ASH2L: variants seen among roughly 807,000 people sequenced by gnomAD.
The protein encoded by ASH2L is set1/Ash2 histone methyltransferase complex subunit ASH2.
In ASH2L, 30 loss-of-function variants were observed where a neutral mutation model predicts 81.1. The observed-to-expected ratio is 0.37, with a 90% confidence interval of 0.28 to 0.50. The LOEUF (loss-of-function observed/expected upper bound fraction) is 0.50, where lower values mean the gene tolerates loss of function less well. ASH2L is among the 20% of genes least tolerant of loss of function. The pLI is 0.95. For missense variants in ASH2L, 559 were observed against 792.1 expected, an observed-to-expected ratio of 0.71 and a Z score of 3.53; for synonymous variants, 273 against 279.9, an observed-to-expected ratio of 0.98 and a Z score of 0.24.
At chr8:38,124,512 C>T (rs1203636726) in intron 10 of ASH2L, 4 of 149,958 alleles carry the variant, frequency 2.7e-5, no homozygotes, top group African/African-American at 9.8e-5. Flanking sequence ...CATCTGGCCT[C>T]ATTGTTTATT....
chr8:38,138,525 A>T (rs186031538), intron 14 of ASH2L: 1 of 336,610 alleles, frequency 3.0e-6, no homozygotes, highest in African/African-American at 2.1e-5. Context: ...AGTTTCTTGC[A>T]TGACTCAGCT....
rs1305863555 is a variant in ASH2L at position 38,135,552 on chromosome 8, CT to C, written c.1621-114del. ...GTTATTACACAAGTTATGCACTGTT[CT>C]TGGGTGAGTGACTAGCAGTCTGGCA... On this transcript the variant is annotated intron_variant, in intron 13 of 15. Transcript: ENST00000343823. 17 of 682,652 alleles carry C rather than the reference CT, an allele frequency of 2.5e-5. No individual in the cohort carries two copies. The East Asian group carries it at 4.0e-4, about 16-fold the overall frequency. The allele number at this position is 682,652 out of a possible 1,614,324, so 42.3% of individuals were successfully genotyped here.
At chr8:38,121,338 TATATATATATATA>T (rs1231980150) in intron 10 of ASH2L, among the ~76,000 whole-genome samples, 189 bp downstream of exon 10, 1,636 of 112,916 alleles carry the variant, frequency 0.014, 70 homozygotes, top group South Asian at 0.091. Flanking sequence ...TTTATTTATA[TATATATATATATA>T]TATATATATA....
chr8:38,105,745 G>A lies in ASH2L; in HGVS notation c.188+7G>A, dbSNP rs1284160675. The A allele has an allele frequency of 2.0e-6, 3 of 1,510,010 alleles. No individual in the cohort carries two copies. Among genetic ancestry groups the A allele is most frequent in the Admixed American group, 2.3e-5 (1 of 43,014 alleles). 93.5% of individuals were successfully genotyped at this position (1,510,010 alleles called of 1,614,324 possible). Reference sequence around the variant, plus strand: ...CCGGGGAGGCTGAAGGCGGGTAAGAGGTCCTGCCGCCCGAGGAAGACGCGG... The same window carrying A: ...CCGGGGAGGCTGAAGGCGGGTAAGAAGTCCTGCCGCCCGAGGAAGACGCGG... On this transcript the variant is annotated splice_region_variant and intron_variant, in intron 1 of 15. Coordinates refer to ENST00000343823, the MANE Select transcript of ASH2L (RefSeq NM_004674.5).
chr8:38,114,798 T>C, intron 6 of ASH2L, 107 bp from the exon 7 acceptor site: 7 of 687,820 alleles, frequency 1.0e-5, no homozygotes, highest in South Asian at 9.9e-5. Flanking sequence ...ACTATCTTTT[T>C]TGGACACTGC....
At chr8:38,111,136 G>A (rs3864689) in intron 5 of ASH2L, among the ~76,000 whole-genome samples, 133,985 of 152,190 alleles carry the variant, frequency 0.88, 59,218 homozygotes, top group African/African-American at 0.97. Flanking sequence ...GGATTTCACC[G>A]TGTTGGCCAG....
intron 13 of ASH2L, among the ~76,000 whole-genome samples, chr8:38,134,938 G>A (rs1802196053): frequency 6.6e-6 from 1 of 152,032 alleles, no homozygotes; most frequent in Non-Finnish European, 1.5e-5. Flanking sequence ...AAGAGTCTTA[G>A]AGAACTTCAA....
chr8:38,106,933 A>T, intron 2 of ASH2L, 88 bp from the exon 3 acceptor site: 1 of 1,512,878 alleles, frequency 6.6e-7, no homozygotes, highest in Admixed American at 2.0e-5. Flanking sequence ...CCTGGGCAAC[A>T]TAGGGAGACC....
chr8:38,107,821 A>G (rs1810507570), intron 3 of ASH2L, among the ~76,000 whole-genome samples: 1 of 152,026 alleles, frequency 6.6e-6, no homozygotes, highest in Non-Finnish European at 1.5e-5. Flanking sequence ...AGGCTGCATT[A>G]TCGTGAAATT....
Position 38,127,230 on chromosome 8 carries a change from G to C in ASH2L, c.1166-1061G>C, listed in dbSNP as rs796184584. Among the ~76,000 whole-genome samples the C allele has an allele frequency of 1.4e-4, 21 of 151,412 alleles. 1 individual carries two copies. Among genetic ancestry groups the C allele is most frequent in the African/African-American group, 5.1e-4 (21 of 41,234 alleles). ...CTCATACCTGTAATCCTGGCACTTG[G>C]GCCAACACAAGAAGATCGCCTGAGG... On this transcript the variant is annotated intron_variant, in intron 10 of 15. Transcript: ENST00000343823.
At chr8:38,136,410 G>C (rs1316076190) in intron 14 of ASH2L, among the ~76,000 whole-genome samples, 1 of 147,908 alleles carries the variant, frequency 6.8e-6, no homozygotes, top group Non-Finnish European at 1.5e-5. Context: ...CAAACATGAA[G>C]AAGGGTACTA....
chr8:38,135,181 T>C (rs528623541), intron 13 of ASH2L, among the ~76,000 whole-genome samples: 155 of 152,242 alleles, frequency 1.0e-3, no homozygotes, highest in Non-Finnish European at 1.7e-3. Flanking sequence ...GTGCAATGAA[T>C]AATAAAATAT....
At chr8:38,128,986 T>A in intron 12 of ASH2L, 35 bp downstream of exon 12, 2 of 1,595,460 alleles carry the variant, frequency 1.3e-6, no homozygotes, top group Non-Finnish European at 1.7e-6. Flanking sequence ...TTCCTGGCTT[T>A]GAAGGCCTGT....
At chr8:38,121,365 A>ATATATATATG (rs1811142849) in intron 10 of ASH2L, among the ~76,000 whole-genome samples, 1 of 141,756 alleles carries the variant, frequency 7.1e-6, no homozygotes, top group Non-Finnish European at 1.5e-5. Flanking sequence ...ATATATATAT[A>ATATATATATG]TATATATATA....
chr8:38,137,109 CG>C (rs561902607), intron 14 of ASH2L, among the ~76,000 whole-genome samples: 2,331 of 142,468 alleles, frequency 0.016, 36 homozygotes, highest in Non-Finnish European at 0.026. Context: ...AAAAAAAGGG[CG>C]GGGGTGGCGC....
At chr8:38,133,650 G>T in intron 13 of ASH2L, 104 bp downstream of exon 13, 1 of 911,644 alleles carries the variant, frequency 1.1e-6, no homozygotes, top group South Asian at 1.7e-5. Context: ...GGGAATGAAG[G>T]GGCATCTGGT....
intron 3 of ASH2L, among the ~76,000 whole-genome samples, chr8:38,107,868 A>ATGTGTGTGTGTGTG (rs10542885): frequency 1.4e-5 from 2 of 141,506 alleles, no homozygotes; most frequent in African/African-American, 2.6e-5. Flanking sequence ...AAATACATAT[A>ATGTGTGTGTGTGTG]TGTGTGTGTG....
intron 8 of ASH2L, 147 bp downstream of exon 8, chr8:38,116,872 C>G: frequency 3.0e-6 from 2 of 667,854 alleles, no homozygotes; most frequent in Non-Finnish European, 5.0e-6. Flanking sequence ...AGGAACTAGC[C>G]AAGGATTTGG....
chr8:38,129,920 A>C (rs1191547719), intron 12 of ASH2L, among the ~76,000 whole-genome samples: 5 of 152,196 alleles, frequency 3.3e-5, no homozygotes, highest in Non-Finnish European at 2.9e-5. Context: ...GCAAGATGCT[A>C]TGAATATTCT....
Sources: gnomAD v4.1 joint callset for allele counts (sites outside exome capture counted in the v4.1 genomes callset) on GRCh38, gnomAD v4.1.1 for gene constraint, MANE v1.5 for transcripts, NCBI Gene and HGNC (gene_info 2026-07-23, HGNC 2026-07-21) for gene names.